Variants in SPATA20 observed in about 807,000 individuals in gnomAD.
SPATA20 encodes the protein spermatogenesis-associated protein 20.
In SPATA20, 74 loss-of-function variants were observed where a neutral mutation model predicts 98.9. That is an observed-to-expected ratio of 0.75 (90% CI 0.62 to 0.91). The LOEUF is 0.91. Ranked by LOEUF, SPATA20 falls within the 40% of genes least tolerant of loss-of-function variation. The pLI, the probability that SPATA20 is intolerant of heterozygous loss-of-function variation, is 0.00. For synonymous variants in SPATA20, 430 were observed against 440.5 expected (o/e 0.98, Z 0.30); for missense variants, 1,016 against 1,069.8 (o/e 0.95, Z 0.70).
At position 50,548,312 on chromosome 17, in the gene SPATA20, G is replaced by A. The variant is rs116121922; in HGVS notation, c.155G>A (p.Ser52Asn). ...AGCTCCTCCCGGGACAAGGACCGAA[G>A]TGCGACGGTCAGTAGTTCAGTGCCC... ...RGSSSRDKDR[S>N]ATVSSSVPMP... is the part of the protein sequence containing the mutation. Residue 52 changes from serine (S) to asparagine (N), a missense_variant, in exon 3 of 17, where the codon AGT becomes AAT. Physicochemically the swap from Ser to Asn is conservative, Grantham distance 46. Transcript: ENST00000006658. 124 of 1,613,778 alleles carry A rather than the reference G, an allele frequency of 7.7e-5. 1 individual carries two copies. In the African/African-American group the frequency reaches 1.5e-3, roughly 19 times the overall value.
At position 50,551,854 on chromosome 17, in the gene SPATA20, C is replaced by T. The variant is rs1239221918; in HGVS notation, c.1746-115C>T. 3 of 1,221,984 alleles carry T rather than the reference C, an allele frequency of 2.5e-6. No homozygotes were observed. In the Admixed American group the frequency reaches 7.0e-5, roughly 28 times the overall value. The allele number at this position is 1,221,984 out of a possible 1,614,324, so 75.7% of individuals were successfully genotyped here. On this transcript the variant is annotated intron_variant, in intron 13 of 16. Coordinates refer to ENST00000006658, the MANE Select transcript of SPATA20 (RefSeq NM_022827.4). ...CTGGGAAGTGGGCTGATGGCACCTG[C>T]CCAAGAGGGTTCATCTGGAGGGTTA... is the stretch of plus-strand genomic sequence containing the variant.
At position 50,552,207 on chromosome 17, in the gene SPATA20, G is replaced by C. The variant is rs112431497; in HGVS notation, c.1957+27G>C. On this transcript the variant is annotated intron_variant, in intron 14 of 16. Coordinates refer to ENST00000006658, the MANE Select transcript of SPATA20 (RefSeq NM_022827.4). ...TCAGTGGGGGTGCAGGGCTAGTCTG[G>C]GGTCCTGGGAGGTGTAAGTGCAGCG... is the stretch of plus-strand genomic sequence containing the variant. 886 of 1,605,480 alleles carry C rather than the reference G, an allele frequency of 5.5e-4. 5 individuals are homozygous for C. The African/African-American group carries it at 0.011, about 20-fold the overall frequency.
chr17:50,549,575 T>G, intron 7 of SPATA20, 88 bp downstream of exon 7: 1 of 1,340,204 alleles, frequency 7.5e-7, no homozygotes, highest in Non-Finnish European at 1.0e-6. Context: ...GCCTCACCCA[T>G]AGCTTCCTGT....
Position 50,551,682 on chromosome 17 carries a change from T to TG in SPATA20, c.1745+8dup, listed in dbSNP as rs770541918. ...CCTGGGGGGACTGTGGAGCACAGGT[T>TG]GGGGGCTGGGTAGACCGGGAGGGCC... On this transcript the variant is annotated splice_donor_region_variant and intron_variant, in intron 13 of 16. Transcript: ENST00000006658. 21 of 1,586,006 alleles carry TG rather than the reference T, an allele frequency of 1.3e-5. No homozygotes were observed. The highest frequency in any genetic ancestry group is 3.4e-5 in the Admixed American group (2 of 59,500).
At chr17:50,551,779 T>A in intron 13 of SPATA20, 100 bp downstream of exon 13, 2 of 1,362,724 alleles carry the variant, frequency 1.5e-6, no homozygotes, top group Non-Finnish European at 2.0e-6. Context: ...GTCCTGGCTC[T>A]GCCAGGTGCT....
chr17:50,554,246 T>G lies in SPATA20; in HGVS notation c.1958-5T>G. On this transcript the variant is annotated splice_region_variant and splice_polypyrimidine_tract_variant and intron_variant, in intron 14 of 16. Transcript: ENST00000006658. ...CCCCACCCCCTGCCTCCCTATGTGCTGTAGACCAGGATGGAGCAGAGCCCA... is the reference window on the plus strand; with the variant it reads ...CCCCACCCCCTGCCTCCCTATGTGCGGTAGACCAGGATGGAGCAGAGCCCA... 4 of 1,613,508 alleles carry G rather than the reference T, an allele frequency of 2.5e-6. No homozygotes were observed. The highest frequency in any genetic ancestry group is 3.4e-6 in the Non-Finnish European group (4 of 1,179,854).
chr17:50,552,011 G>T lies in SPATA20; in HGVS notation c.1788G>T (p.Val596=). 6.2e-7 allele frequency: 1 copy of T among 1,612,752 alleles called. No individual in the cohort carries two copies. The highest frequency in any genetic ancestry group is 2.2e-5 in the East Asian group (1 of 44,860). The change falls in exon 14 of 17, where the codon GTG becomes GTT. Residue 596 remains valine (V), a synonymous_variant. Coordinates refer to ENST00000006658, the MANE Select transcript of SPATA20 (RefSeq NM_022827.4). ...GCTTCCTGGAGGACTACGCCTTCGT[G>T]GTGCGGGGCCTGCTGGACCTGTATG... ...CWGFLEDYAF[V]VRGLLDLYEA...
Position 50,550,773 on chromosome 17 carries a change from G to T in SPATA20, c.1239G>T (p.Glu413Asp). The change falls in exon 11 of 17, where the codon GAG becomes GAT. Residue 413 changes from glutamate to aspartate, a missense_variant. Glu to Asp is a conservative substitution (Grantham distance 45). Transcript: ENST00000006658. ...CAGAGCGGGGCCAGCGGCCCAAAGA[G>T]GGCGCCTACTATGTGTGGACGGTCA... ...SPPERGQRPKEGAYYVWTVKE... is the reference protein window; with the variant it reads ...SPPERGQRPKDGAYYVWTVKE... 1.2e-6 allele frequency: 2 copies of T among 1,613,158 alleles called. No individual in the cohort carries two copies. The highest frequency in any genetic ancestry group is 1.7e-6 in the Non-Finnish European group (2 of 1,180,036).
rs771350049 is a variant in SPATA20, at chr17:50,550,128, G to A, written c.993+13G>A. Reference sequence around the variant, plus strand: ...CCATGTGGGGCAGGTGACGGGCACTGGGTGTTCCCTGGAGGGGCAGCAGGG... The same window carrying A: ...CCATGTGGGGCAGGTGACGGGCACTAGGTGTTCCCTGGAGGGGCAGCAGGG... On this transcript the variant is annotated intron_variant, in intron 8 of 16. Coordinates refer to ENST00000006658, the MANE Select transcript of SPATA20 (RefSeq NM_022827.4). 1.9e-6 allele frequency: 3 copies of A among 1,612,988 alleles called. No individual in the cohort carries two copies. Among genetic ancestry groups the A allele is most frequent in the Non-Finnish European group, 2.5e-6 (3 of 1,179,820 alleles).
intron 14 of SPATA20, among the ~76,000 whole-genome samples, chr17:50,552,717 A>G (rs967822316): frequency 6.6e-6 from 1 of 150,896 alleles, no homozygotes; most frequent in African/African-American, 2.4e-5. Flanking sequence ...ATGCACCACC[A>G]TGCCTGGCTA....
At chr17:50,548,073 A>G (rs1368618291) in intron 2 of SPATA20, 2 of 1,502,084 alleles carry the variant, frequency 1.3e-6, no homozygotes, top group Non-Finnish European at 1.8e-6. Flanking sequence ...CTAACCTGGC[A>G]AGGAGCCCCC....
chr17:50,555,617 G>T lies in SPATA20; in HGVS notation c.2364G>T (p.Val788=). 1 of 1,614,054 alleles carries T rather than the reference G, an allele frequency of 6.2e-7. No individual in the cohort carries two copies. The highest frequency in any genetic ancestry group is 8.5e-7 in the Non-Finnish European group (1 of 1,179,974). Residue 788 remains valine, a synonymous_variant, in exon 17 of 17, where the codon GTG becomes GTT. Transcript: ENST00000006658. ...TGTGTGAGAATCAAGCCTGCTCAGT[G>T]CCCATCACTGATCCCTGCGAATTAC... ...AYVCENQACS[V]PITDPCELRK...
chr17:50,551,237 C>G, intron 12 of SPATA20, 47 bp downstream of exon 12: 1 of 1,517,666 alleles, frequency 6.6e-7, no homozygotes, highest in Non-Finnish European at 9.0e-7. Context: ...GATCCCCCTT[C>G]ACAAAGCCCC....
Position 50,547,745 on chromosome 17 carries a change from T to TGGCCCCACAGG in SPATA20, c.104_114dup (p.Ser39GlyfsTer47). Reference sequence around the variant, plus strand: ...GTGTCCTGGAGTCTGGCCCAGGACCTGGCCCCACAGGAGTCCCAGCAGGTG... The same window carrying TGGCCCCACAGG: ...GTGTCCTGGAGTCTGGCCCAGGACCTGGCCCCACAGGGGCCCCACAGGAGTCCCAGCAGGTG... On this transcript the variant is annotated frameshift_variant, in exon 2 of 17. Coordinates refer to ENST00000006658, the MANE Select transcript of SPATA20 (RefSeq NM_022827.4). LOFTEE classifies it high-confidence loss of function. 1 of 782,188 alleles carries TGGCCCCACAGG rather than the reference T, an allele frequency of 1.3e-6. No individual in the cohort carries two copies. Among genetic ancestry groups the TGGCCCCACAGG allele is most frequent in the Non-Finnish European group, 2.4e-6 (1 of 419,314 alleles). The allele number at this position is 782,188 out of a possible 1,614,324, so 48.5% of individuals were successfully genotyped here. A position where few individuals can be genotyped will look rare whatever the true frequency, so the allele number is the denominator to read the frequency against.
At position 50,550,030 on chromosome 17, in the gene SPATA20, C is replaced by G; in HGVS notation, c.908C>G (p.Thr303Ser). 6.3e-7 allele frequency: 1 copy of G among 1,591,734 alleles called. No individual in the cohort carries two copies. Among genetic ancestry groups the G allele is most frequent in the Non-Finnish European group, 8.6e-7 (1 of 1,164,762 alleles). The change falls in exon 8 of 17, where the codon ACT (threonine) becomes AGT (serine). Residue 303 changes from threonine (T) to serine (S), a missense_variant. Thr to Ser is a moderately conservative substitution (Grantham distance 58, BLOSUM62 1). Transcript: ENST00000006658. ...TCCTACTGGCTCAGCCATCGACTGA[C>G]TCAGGATGGCTCTCGGGCCCAGCAG... ...LFSYWLSHRL[T>S]QDGSRAQQMA...
rs573597278 is a variant in SPATA20, at chr17:50,548,558, C to T, written c.301C>T (p.Pro101Ser). Residue 101 changes from proline (P) to serine (S), a missense_variant, in exon 4 of 17, where the codon CCC becomes TCC. Pro to Ser is a moderately conservative substitution (Grantham distance 74, BLOSUM62 -1). Coordinates refer to ENST00000006658, the MANE Select transcript of SPATA20 (RefSeq NM_022827.4). ...QHAYNPVDWY[P>S]WGQEAFDKAR... ...GCCCCACCCTGCTGGGTCTAGGTAC[C>T]CCTGGGGACAGGAAGCCTTCGACAA... 1.2e-4 allele frequency: 200 copies of T among 1,613,728 alleles called. 1 individual carries two copies. In the South Asian group the frequency reaches 1.6e-3, roughly 13 times the overall value.
chr17:50,551,640 G>A lies in SPATA20; in HGVS notation c.1706G>A (p.Arg569Gln), dbSNP rs144320831. Reference protein sequence around the residue: ...MFDVASGRLMRTCYTGPGGTV... With the variant: ...MFDVASGRLMQTCYTGPGGTV... ...GATGTGGCCAGTGGCCGCCTGATGC[G>A]GACCTGCTACACCGGCCCTGGGGGG... The change falls in exon 13 of 17, where the codon CGG (arginine) becomes CAG (glutamine). Residue 569 changes from arginine to glutamine, a missense_variant. Physicochemically the swap from Arg to Gln is conservative, Grantham distance 43. Coordinates refer to ENST00000006658, the MANE Select transcript of SPATA20 (RefSeq NM_022827.4). 42 of 1,599,508 alleles carry A rather than the reference G, an allele frequency of 2.6e-5. No individual in the cohort carries two copies. In the Middle Eastern group the frequency reaches 5.0e-4, roughly 19 times the overall value.
At chr17:50,548,083 C>T in intron 2 of SPATA20, 200 bp from the exon 3 acceptor site, 2 of 1,504,824 alleles carry the variant, frequency 1.3e-6, no homozygotes, top group Non-Finnish European at 1.8e-6. Flanking sequence ...AAGGAGCCCC[C>T]AATGAGCCAC....
In SPATA20 at chr17:50,549,204, A is replaced by C; in HGVS notation, c.660+18A>C. The C allele has an allele frequency of 6.3e-7, 1 of 1,593,428 alleles. No homozygotes were observed. Among genetic ancestry groups the C allele is most frequent in the Non-Finnish European group, 8.6e-7 (1 of 1,166,322 alleles). On this transcript the variant is annotated intron_variant, in intron 6 of 16. Coordinates refer to ENST00000006658, the MANE Select transcript of SPATA20 (RefSeq NM_022827.4). Reference sequence around the variant, plus strand: ...GAGAACAGGTGGGTGTGCCTCCGGGAGTTGGGGGACCAGGGTGGGGGACTA... The same window carrying C: ...GAGAACAGGTGGGTGTGCCTCCGGGCGTTGGGGGACCAGGGTGGGGGACTA...
Sources: gnomAD v4.1 joint callset for allele counts (sites outside exome capture counted in the v4.1 genomes callset) on GRCh38, gnomAD v4.1.1 for gene constraint, MANE v1.5 for transcripts, NCBI Gene and HGNC (gene_info 2026-07-23, HGNC 2026-07-21) for gene names.